PRORP: variants seen among roughly 807,000 people sequenced by gnomAD.
PRORP encodes the protein mitochondrial ribonuclease P catalytic subunit.
A neutral mutation model predicts 59.4 loss-of-function variants in PRORP; 51 were observed. That is an observed-to-expected ratio of 0.86 (90% CI 0.69 to 1.08). PRORP has a LOEUF of 1.08. Among genes scored for constraint, PRORP ranks in the 50% least tolerant of loss-of-function variants. The probability of loss-of-function intolerance (pLI) is 0.00; values close to 1 mark genes in which losing one functional copy is unlikely to be tolerated. For missense variants in PRORP, 646 were observed against 690.3 expected (o/e 0.94, Z 0.72); for synonymous variants, 231 against 245.6 (o/e 0.94, Z 0.55).
chr14:35,208,773 A>C (rs2049360308), intron 5 of PRORP, among the ~76,000 whole-genome samples: 1 of 152,246 alleles, frequency 6.6e-6, no homozygotes, highest in South Asian at 2.1e-4. Flanking sequence ...TGGGAGGCCA[A>C]GGTGGGTGGA....
At chr14:35,139,953 G>T (rs577758429) in intron 4 of PRORP, among the ~76,000 whole-genome samples, 1 of 145,434 alleles carries the variant, frequency 6.9e-6, no homozygotes, top group African/African-American at 2.4e-5. Flanking sequence ...CATTCTCTGC[G>T]TCTGTCTTCA....
At chr14:35,272,124 A>G (rs911049566) in intron 7 of PRORP, among the ~76,000 whole-genome samples, 3 of 152,244 alleles carry the variant, frequency 2.0e-5, no homozygotes, top group African/African-American at 7.2e-5. Context: ...TGATGACTGT[A>G]GTTAATAATA....
At chr14:35,177,845 G>A (rs545854245) in intron 4 of PRORP, among the ~76,000 whole-genome samples, 19 of 151,830 alleles carry the variant, frequency 1.3e-4, no homozygotes, top group South Asian at 2.1e-4. Flanking sequence ...TTAGGGTGTC[G>A]ATTTTAGATC....
intron 4 of PRORP, among the ~76,000 whole-genome samples, chr14:35,140,055 T>C (rs1482223299): frequency 6.9e-6 from 1 of 145,834 alleles, no homozygotes; most frequent in Non-Finnish European, 1.5e-5. Context: ...TAATCTAGCA[T>C]GACCTTGTCT....
rs137919771 is a variant in PRORP, at chr14:35,136,708, G to T, written c.1167+9097G>T. Among the ~76,000 whole-genome samples, 455 of 145,346 alleles carry T rather than the reference G, an allele frequency of 3.1e-3. 17 individuals carry two copies. Among genetic ancestry groups the T allele is most frequent in the African/African-American group, 0.011 (438 of 41,080 alleles). On this transcript the variant is annotated intron_variant, in intron 4 of 7. Transcript: ENST00000534898. ...GTTTTAATGTCAGCAGAAGATCCAG[G>T]ACTTGGGTTCCAGCTTACAGGGGAG...
At chr14:35,130,028 T>G (rs2047197040) in intron 4 of PRORP, among the ~76,000 whole-genome samples, 1 of 146,662 alleles carries the variant, frequency 6.8e-6, no homozygotes, top group Admixed American at 6.7e-5. Flanking sequence ...TGTTTAGACT[T>G]TCTTTTTTTT....
chr14:35,258,861 GAA>G (rs1435176705), intron 5 of PRORP, among the ~76,000 whole-genome samples: 5 of 152,296 alleles, frequency 3.3e-5, no homozygotes, highest in Admixed American at 3.3e-4. Context: ...AGCTGTATAA[GAA>G]GGACTAAAAT....
At chr14:35,246,907 G>A (rs116631680) in intron 5 of PRORP, among the ~76,000 whole-genome samples, 1,554 of 152,192 alleles carry the variant, frequency 0.01, 29 homozygotes, top group African/African-American at 0.035. Context: ...AGGATTGGGA[G>A]CTCTAAATTC....
intron 4 of PRORP, among the ~76,000 whole-genome samples, chr14:35,162,913 A>T (rs912479908): frequency 6.6e-6 from 1 of 152,156 alleles, no homozygotes; most frequent in African/African-American, 2.4e-5. Flanking sequence ...ATAAAGCGGG[A>T]TGTTACTTTT....
At chr14:35,184,684 G>T (rs1433887826) in intron 5 of PRORP, among the ~76,000 whole-genome samples, 4 of 151,990 alleles carry the variant, frequency 2.6e-5, no homozygotes, top group Non-Finnish European at 4.4e-5. Flanking sequence ...CACACTCCCC[G>T]CTCAAGTAGA....
chr14:35,159,358 T>A (rs1251464464), intron 4 of PRORP, among the ~76,000 whole-genome samples: 2 of 152,202 alleles, frequency 1.3e-5, no homozygotes, highest in African/African-American at 2.4e-5. Context: ...CCAAATCCTG[T>A]TTTTCCTTCG....
In PRORP at chr14:35,205,370, A is replaced by G. The variant is rs578236304; in HGVS notation, c.1275+24593A>G. Among the ~76,000 whole-genome samples, 13 of 152,206 alleles carry G rather than the reference A, an allele frequency of 8.5e-5. No individual in the cohort carries two copies. In the South Asian group the frequency reaches 2.7e-3, roughly 32 times the overall value. On this transcript the variant is annotated intron_variant, in intron 5 of 7. Coordinates refer to ENST00000534898, the MANE Select transcript of PRORP (RefSeq NM_014672.4). The stretch of plus-strand genomic sequence containing the variant: ...ATAATTTTTTTGTATTTTATTTTTT[A>G]GTAGAGATGAGGTTTCACCATGTTG...
Position 35,270,431 on chromosome 14 carries a change from C to T in PRORP, c.1455C>T (p.Ala485=). ...ISEDDPFLLY[A]TLHSGNHCRF... ...AGGATGATCCATTCCTTCTGTATGC[C>T]ACACTGCACTCCGGGAATCACTGCA... is the stretch of plus-strand genomic sequence containing the variant. The change falls in exon 7 of 8, where the codon GCC becomes GCT. Residue 485 remains alanine (A), a synonymous_variant. Transcript: ENST00000534898. 1.9e-6 allele frequency: 3 copies of T among 1,613,994 alleles called. No homozygotes were observed. In the South Asian group the frequency reaches 3.3e-5, roughly 18 times the overall value.
At chr14:35,129,549 G>A (rs1251136824) in intron 4 of PRORP, among the ~76,000 whole-genome samples, 2 of 150,246 alleles carry the variant, frequency 1.3e-5, no homozygotes, top group Non-Finnish European at 3.0e-5. Context: ...ATCTTGGCTC[G>A]CTGCATCCTC....
At chr14:35,139,563 A>G (rs2047439632) in intron 4 of PRORP, among the ~76,000 whole-genome samples, 2 of 145,382 alleles carry the variant, frequency 1.4e-5, no homozygotes, top group African/African-American at 4.9e-5. Flanking sequence ...TTGTGTCTCA[A>G]TCATTCTTTC....
chr14:35,268,237 C>T lies in PRORP; in HGVS notation c.1424+1362C>T, dbSNP rs570842616. 2.6e-4 allele frequency among the ~76,000 whole-genome samples: 38 copies of T among 148,064 alleles called. 1 individual carries two copies. The South Asian group carries it at 7.3e-3, about 29-fold the overall frequency. On this transcript the variant is annotated intron_variant, in intron 6 of 7. Transcript: ENST00000534898. ...CACACGCCTTGTAGTCCCAGGTACT[C>T]GGGAGGCTGAGGCAGCAGAATCACT...
chr14:35,150,772 T>C (rs1027674929), intron 4 of PRORP, among the ~76,000 whole-genome samples: 2 of 152,144 alleles, frequency 1.3e-5, no homozygotes, highest in African/African-American at 4.8e-5. Context: ...TAGAGTTGGG[T>C]TGGTGATTTT....
chr14:35,144,355 C>T (rs1229684701), intron 4 of PRORP: 2 of 146,164 alleles, frequency 1.4e-5, no homozygotes, highest in African/African-American at 2.4e-5. Context: ...ACATAGGTGA[C>T]CTGCAGATAT....
At chr14:35,166,290 A>G (rs73236913) in intron 4 of PRORP, among the ~76,000 whole-genome samples, 27,994 of 151,120 alleles carry the variant, frequency 0.19, 2,827 homozygotes, top group Admixed American at 0.27. Context: ...TTTCATTTCT[A>G]TTTTATTTTT....
Sources: gnomAD v4.1 joint callset for allele counts (sites outside exome capture counted in the v4.1 genomes callset) on GRCh38, gnomAD v4.1.1 for gene constraint, MANE v1.5 for transcripts, NCBI Gene and HGNC (gene_info 2026-07-23, HGNC 2026-07-21) for gene names.